LRMDA: variants seen among roughly 807,000 people sequenced by gnomAD.
LRMDA encodes the protein leucine-rich melanocyte differentiation-associated protein.
LRMDA carries 18 observed loss-of-function variants against 29.8 expected under a neutral mutation model. That is an observed-to-expected ratio of 0.60 (90% CI 0.42 to 0.90). LRMDA has a LOEUF of 0.90. Among genes scored for constraint, LRMDA ranks in the 40% least tolerant of loss-of-function variants. The probability of loss-of-function intolerance (pLI) is 0.00; values close to 1 mark genes in which losing one functional copy is unlikely to be tolerated. For synonymous variants in LRMDA, 125 were observed against 109.4 expected (o/e 1.14, Z -0.89); for missense variants, 273 against 273.9 (o/e 1.00, Z 0.02).
intron 2 of LRMDA, among the ~76,000 whole-genome samples, chr10:75,944,740 A>G (rs923511478): frequency 1.3e-5 from 2 of 148,320 alleles, no homozygotes; most frequent in Non-Finnish European, 3.0e-5. Flanking sequence ...ATATATCTAT[A>G]TGTATATATA....
At chr10:75,899,665 C>T (rs1198614107) in intron 2 of LRMDA, among the ~76,000 whole-genome samples, 2 of 152,150 alleles carry the variant, frequency 1.3e-5, no homozygotes, top group Non-Finnish European at 2.9e-5. Flanking sequence ...ACTACAACCT[C>T]TTAGATTTGG....
At chr10:75,433,242 C>T (rs1289688222) in intron 1 of LRMDA, among the ~76,000 whole-genome samples, 1 of 152,148 alleles carries the variant, frequency 6.6e-6, no homozygotes, top group Non-Finnish European at 1.5e-5. Context: ...TCCCGGTGTA[C>T]CTTGCTACAA....
chr10:75,960,018 ATCT>A (rs1353940588), intron 2 of LRMDA, among the ~76,000 whole-genome samples: 9 of 152,284 alleles, frequency 5.9e-5, no homozygotes, highest in African/African-American at 2.2e-4. Flanking sequence ...ACATTCTGTC[ATCT>A]TCTTCCTTCT....
At chr10:76,106,379 G>A (rs936836276) in intron 5 of LRMDA, among the ~76,000 whole-genome samples, 4 of 152,162 alleles carry the variant, frequency 2.6e-5, no homozygotes, top group African/African-American at 4.8e-5. Flanking sequence ...TGCTTTCACT[G>A]TAAACCTATC....
intron 2 of LRMDA, among the ~76,000 whole-genome samples, chr10:75,913,472 CT>C (rs1589251153): frequency 6.6e-6 from 1 of 152,058 alleles, no homozygotes; most frequent in East Asian, 1.9e-4. Context: ...AAAAAAAATT[CT>C]TCTGCCTGAA....
chr10:75,839,227 G>A (rs1844492608), intron 2 of LRMDA, among the ~76,000 whole-genome samples: 2 of 152,200 alleles, frequency 1.3e-5, no homozygotes, highest in Admixed American at 1.3e-4. Flanking sequence ...CTTGCAGAGT[G>A]GCTGAGCATC....
intron 2 of LRMDA, among the ~76,000 whole-genome samples, chr10:75,979,835 G>A (rs1847134512): frequency 6.6e-6 from 1 of 152,020 alleles, no homozygotes; most frequent in Non-Finnish European, 1.5e-5. Flanking sequence ...GTTCCTGCAG[G>A]ACACAACAGG....
At chr10:75,885,516 G>T (rs7089908) in intron 2 of LRMDA, among the ~76,000 whole-genome samples, 3,263 of 152,310 alleles carry the variant, frequency 0.021, 121 homozygotes, top group African/African-American at 0.074. Context: ...GAAGCTCCTG[G>T]TGTAGCTGAC....
chr10:75,813,547 G>T (rs538762855), intron 2 of LRMDA, among the ~76,000 whole-genome samples: 1 of 152,120 alleles, frequency 6.6e-6, no homozygotes, highest in Non-Finnish European at 1.5e-5. Flanking sequence ...CATTTTTTCC[G>T]AAAGAGTTTG....
At chr10:76,317,397 C>T (rs1185345662) in intron 5 of LRMDA, among the ~76,000 whole-genome samples, 2 of 152,064 alleles carry the variant, frequency 1.3e-5, no homozygotes, top group African/African-American at 4.8e-5. Flanking sequence ...TTTTTCATCT[C>T]TCCTCAACCT....
intron 2 of LRMDA, among the ~76,000 whole-genome samples, chr10:75,645,911 T>G (rs1051674616): frequency 1.3e-5 from 2 of 151,304 alleles, no homozygotes; most frequent in Non-Finnish European, 3.0e-5. Context: ...CTCTTTCCCC[T>G]TTTCTTTGTC....
intron 2 of LRMDA, among the ~76,000 whole-genome samples, chr10:75,835,975 A>G (rs1208991539): frequency 1.3e-5 from 2 of 152,294 alleles, no homozygotes; most frequent in East Asian, 3.9e-4. Context: ...ATGCTCATCA[A>G]ACTCAATGGA....
chr10:76,284,594 CAG>C (rs750321775), intron 5 of LRMDA, among the ~76,000 whole-genome samples: 3 of 152,102 alleles, frequency 2.0e-5, no homozygotes, highest in Non-Finnish European at 4.4e-5. Flanking sequence ...ACCAGCTTGA[CAG>C]AGAGTTTAAC....
chr10:76,038,633 C>G (rs1452925213), intron 3 of LRMDA, among the ~76,000 whole-genome samples: 5 of 152,198 alleles, frequency 3.3e-5, no homozygotes, highest in Admixed American at 6.5e-5. Context: ...AATAACAGCA[C>G]ATGCTATCTT....
chr10:75,752,741 G>A (rs1402941217), intron 2 of LRMDA, among the ~76,000 whole-genome samples: 1 of 152,148 alleles, frequency 6.6e-6, no homozygotes, highest in African/African-American at 2.4e-5. Flanking sequence ...TGTTAGGGTT[G>A]ACACTCTAGG....
intron 2 of LRMDA, among the ~76,000 whole-genome samples, chr10:75,466,556 C>T (rs557267376): frequency 5.9e-5 from 9 of 152,198 alleles, no homozygotes; most frequent in South Asian, 2.1e-4. Context: ...TTTCATCCAC[C>T]GAAGCCATCT....
intron 5 of LRMDA, among the ~76,000 whole-genome samples, chr10:76,177,721 A>G (rs1387125977): frequency 6.6e-6 from 1 of 152,222 alleles, no homozygotes; most frequent in Non-Finnish European, 1.5e-5. Flanking sequence ...AGACCTCCCA[A>G]TTTTACAAGT....
intron 6 of LRMDA, among the ~76,000 whole-genome samples, chr10:76,366,209 G>A (rs1202495507): frequency 1.3e-5 from 2 of 152,120 alleles, no homozygotes; most frequent in Non-Finnish European, 2.9e-5. Context: ...ACTTAGACTT[G>A]CTTTGGCTAT....
chr10:76,056,151 G>A (rs1451632310), intron 4 of LRMDA, among the ~76,000 whole-genome samples: 1 of 152,114 alleles, frequency 6.6e-6, no homozygotes, highest in Non-Finnish European at 1.5e-5. Context: ...GGTCATCTCA[G>A]TTTCTGTGCA....
Sources: gnomAD v4.1 joint callset for allele counts (sites outside exome capture counted in the v4.1 genomes callset) on GRCh38, gnomAD v4.1.1 for gene constraint, MANE v1.5 for transcripts, NCBI Gene and HGNC (gene_info 2026-07-23, HGNC 2026-07-21) for gene names.